Variants in RAB3IP observed in about 807,000 individuals in gnomAD.
RAB3IP encodes the protein RAB3A interacting protein.
RAB3IP carries 36 observed loss-of-function variants against 59.1 expected under a neutral mutation model. That is an observed-to-expected ratio of 0.61 (90% CI 0.47 to 0.80). RAB3IP has a LOEUF of 0.80. Ranked by LOEUF, RAB3IP falls within the 30% of genes least tolerant of loss-of-function variation. The probability of loss-of-function intolerance (pLI) is 0.00; values close to 1 mark genes in which losing one functional copy is unlikely to be tolerated. For synonymous variants in RAB3IP, 207 were observed against 191.2 expected (o/e 1.08, Z -0.68); for missense variants, 511 against 536.0 (o/e 0.95, Z 0.46).
chr12:69,768,303 G>A (rs1872558654), intron 3 of RAB3IP, among the ~76,000 whole-genome samples: 1 of 152,094 alleles, frequency 6.6e-6, no homozygotes, highest in Admixed American at 6.5e-5. Context: ...ACTGATTCAG[G>A]TGAGTGGGTG....
chr12:69,818,689 A>G lies in RAB3IP; in HGVS notation c.*3243A>G, dbSNP rs1881393374. 1 of 152,270 alleles carries G rather than the reference A, an allele frequency of 6.6e-6. No homozygotes were observed. The highest frequency in any genetic ancestry group is 2.1e-4 in the South Asian group (1 of 4,832). The allele number at this position is 152,270 out of a possible 1,614,324, so 9.4% of individuals were successfully genotyped here. On this transcript the variant is annotated 3_prime_UTR_variant, in exon 11 of 11. Transcript: ENST00000247833. The stretch of plus-strand genomic sequence containing the variant: ...TCAGAATGAAAAAGCAATTCTGAGA[A>G]AACTATATGTGACATGATACTTTTC...
chr12:69,766,301 T>G (rs1872183958), intron 3 of RAB3IP, among the ~76,000 whole-genome samples: 1 of 152,220 alleles, frequency 6.6e-6, no homozygotes, highest in African/African-American at 2.4e-5. Flanking sequence ...ATTCATAGGT[T>G]TGTTTCTTTT....
chr12:69,806,562 C>T (rs1401915717), intron 8 of RAB3IP, among the ~76,000 whole-genome samples: 1 of 102,374 alleles, frequency 9.8e-6, no homozygotes, highest in Non-Finnish European at 2.0e-5. Flanking sequence ...TTTGCTCTTG[C>T]TTCTCTAGTT....
intron 1 of RAB3IP, chr12:69,739,877 C>T (rs1254196791): frequency 6.2e-7 from 1 of 1,613,740 alleles, no homozygotes; most frequent in African/African-American, 1.3e-5. Flanking sequence ...AGGGTAAGGT[C>T]TTGAAAGACA....
intron 8 of RAB3IP, among the ~76,000 whole-genome samples, chr12:69,807,823 C>G (rs1879703948): frequency 6.7e-6 from 1 of 150,320 alleles, no homozygotes; most frequent in Middle Eastern, 3.5e-3. Flanking sequence ...CTCCTCACCT[C>G]CCAGACGGGG....
chr12:69,784,657 A>G (rs958286295), intron 3 of RAB3IP, 63 bp from the exon 4 acceptor site: 23 of 847,180 alleles, frequency 2.7e-5, no homozygotes, highest in Admixed American at 8.8e-5. Context: ...TAAAGATTAT[A>G]TAGTCTGCTG....
chr12:69,796,422 T>C, intron 6 of RAB3IP: 1 of 376,998 alleles, frequency 2.7e-6, no homozygotes, highest in Non-Finnish European at 4.7e-6. Context: ...ACTGTGAGAA[T>C]GCATTTCTAA....
chr12:69,809,365 A>G (rs1318096162), intron 8 of RAB3IP, among the ~76,000 whole-genome samples: 8 of 151,952 alleles, frequency 5.3e-5, no homozygotes, highest in Non-Finnish European at 8.8e-5. Flanking sequence ...GGTGAATCTG[A>G]CAATTATGTG....
chr12:69,768,485 GT>G (rs1011102307), intron 3 of RAB3IP, among the ~76,000 whole-genome samples: 1 of 152,136 alleles, frequency 6.6e-6, no homozygotes, highest in Non-Finnish European at 1.5e-5. Context: ...CTATGCTACA[GT>G]GTATGCCCAG....
At chr12:69,759,709 A>C (rs1592476467) in intron 3 of RAB3IP, among the ~76,000 whole-genome samples, 6 of 120,860 alleles carry the variant, frequency 5.0e-5, no homozygotes, top group African/African-American at 6.7e-5. Flanking sequence ...CTGACCCCCC[A>C]CCTCCCTCCC....
intron 1 of RAB3IP, among the ~76,000 whole-genome samples, chr12:69,746,133 G>C (rs1190531419): frequency 6.6e-6 from 1 of 152,186 alleles, no homozygotes; most frequent in Non-Finnish European, 1.5e-5. Context: ...AGATCAGACA[G>C]TAATCGTTTA....
intron 3 of RAB3IP, among the ~76,000 whole-genome samples, chr12:69,780,404 G>C (rs564673629): frequency 3.9e-5 from 6 of 152,274 alleles, no homozygotes; most frequent in African/African-American, 1.4e-4. Flanking sequence ...GGCTGGAGCC[G>C]AGTCTGGGCC....
At chr12:69,768,399 G>A (rs983231959) in intron 3 of RAB3IP, among the ~76,000 whole-genome samples, 3 of 152,194 alleles carry the variant, frequency 2.0e-5, no homozygotes, top group Non-Finnish European at 4.4e-5. Context: ...GTGAGGTGGT[G>A]CAGGCTGCTG....
rs141261704 is a variant in RAB3IP at position 69,751,549 on chromosome 12, G to T, written c.-25-3835G>T. ...TAGGCCTCTAGGATTTAAATTCTTTGATTTTATATTTGTAGTTTTTCTAAT... is the reference window on the plus strand; with the variant it reads ...TAGGCCTCTAGGATTTAAATTCTTTTATTTTATATTTGTAGTTTTTCTAAT... On this transcript the variant is annotated intron_variant, in intron 1 of 10. Coordinates refer to ENST00000247833, the MANE Select transcript of RAB3IP (RefSeq NM_022456.5). Among the ~76,000 whole-genome samples, 526 of 152,104 alleles carry T rather than the reference G, an allele frequency of 3.5e-3. 7 individuals are homozygous for T. Among genetic ancestry groups the T allele is most frequent in the East Asian group, 0.032 (164 of 5,182 alleles).
chr12:69,796,467 T>C, intron 6 of RAB3IP: 1 of 418,252 alleles, frequency 2.4e-6, no homozygotes, highest in Non-Finnish European at 4.2e-6. Flanking sequence ...GCTTTCCCAT[T>C]TCTTCTTAGA....
intron 3 of RAB3IP, among the ~76,000 whole-genome samples, chr12:69,758,166 C>A (rs1409025739): frequency 6.6e-6 from 1 of 152,072 alleles, no homozygotes; most frequent in African/African-American, 2.4e-5. Flanking sequence ...TAAGAGAGGC[C>A]ATTTTCTATA....
At chr12:69,792,620 A>T (rs1876815571) in intron 4 of RAB3IP, among the ~76,000 whole-genome samples, 1 of 152,132 alleles carries the variant, frequency 6.6e-6, no homozygotes, top group African/African-American at 2.4e-5. Flanking sequence ...TTTTTTGTCA[A>T]TTTTTAAAAA....
In RAB3IP at chr12:69,782,680, TA is replaced by T. The variant is rs1404918252; in HGVS notation, c.511-2039del. ...GTTTATCACATAGGTCATTTGCAAA[TA>T]TTTTTTTCCCAATTTGTGTCTTGTC... On this transcript the variant is annotated intron_variant, in intron 3 of 10. Transcript: ENST00000247833. Among the ~76,000 whole-genome samples, 7 of 152,244 alleles carry T rather than the reference TA, an allele frequency of 4.6e-5. 1 individual carries two copies. In the East Asian group the frequency reaches 7.7e-4, roughly 17 times the overall value.
intron 1 of RAB3IP, among the ~76,000 whole-genome samples, chr12:69,748,367 C>T (rs544224078): frequency 4.0e-4 from 61 of 152,220 alleles, no homozygotes; most frequent in African/African-American, 1.4e-3. Context: ...AAGTAAATTT[C>T]ATAAGTTATT....
Sources: allele counts gnomAD v4.1 joint callset (sites outside exome capture counted in the v4.1 genomes callset), GRCh38; gene constraint gnomAD v4.1.1; transcripts MANE v1.5; gene names NCBI Gene and HGNC (gene_info 2026-07-23, HGNC 2026-07-21).